CST11: variants seen among roughly 807,000 people sequenced by gnomAD.
The protein encoded by CST11 is cystatin 11, also known as cystatin-11.
A neutral mutation model predicts 14.0 loss-of-function variants in CST11; 13 were observed. The observed-to-expected ratio is 0.93, with a 90% CI of 0.60 to 1.47. The LOEUF is 1.47. CST11 is among the 40% of genes most tolerant of loss of function. The pLI is 0.00. For missense variants in CST11, 181 were observed against 160.0 expected, an observed-to-expected ratio of 1.13 and a Z score of -0.71; for synonymous variants, 64 against 57.8, an observed-to-expected ratio of 1.11 and a Z score of -0.48.
rs1987052716 is a variant in CST11, at chr20:23,450,419, A to T, written c.*87T>A. The T allele has an allele frequency of 1.2e-6, 1 of 815,404 alleles. No homozygotes were observed. The highest frequency in any genetic ancestry group is 1.9e-6 in the Non-Finnish European group (1 of 515,252). The allele number at this position is 815,404 out of a possible 1,614,324, so 50.5% of individuals were successfully genotyped here. On this transcript the variant is annotated 3_prime_UTR_variant, in exon 3 of 3. Transcript: ENST00000377009. ...ATCACGATCTTAAGAGAATATGTTG[A>T]CAAACATTTATTGCCTATATTAAGG...
intron 2 of CST11, 107 bp downstream of exon 2, chr20:23,451,709 G>T: frequency 2.5e-6 from 2 of 798,236 alleles, no homozygotes; most frequent in Non-Finnish European, 4.1e-6. Flanking sequence ...TTCTTTTCAA[G>T]CCAGCTTGAG....
At position 23,450,574 on chromosome 20, in the gene CST11, A is replaced by G. The variant is rs1199981636; in HGVS notation, c.349T>C (p.Phe117Leu). The G allele has an allele frequency of 1.2e-6, 2 of 1,609,454 alleles. No individual in the cohort carries two copies. Among genetic ancestry groups the G allele is most frequent in the Middle Eastern group, 1.7e-4 (1 of 6,056 alleles). Reference sequence around the variant, plus strand: ...AACCAGGGTACAGCAAACACTGAGAAGAAGCAGTTGACTTGCTAAAACAAA... The same window carrying G: ...AACCAGGGTACAGCAAACACTGAGAGGAAGCAGTTGACTTGCTAAAACAAA... Reference protein sequence around the residue: ...RELHKQVNCFFSVFAVPWFEQ... With the variant: ...RELHKQVNCFLSVFAVPWFEQ... Residue 117 changes from phenylalanine (F) to leucine (L), a missense_variant, in exon 3 of 3, where the codon TTC becomes CTC. Coordinates refer to ENST00000377009, the MANE Select transcript of CST11 (RefSeq NM_130794.2).
In CST11 at chr20:23,452,730, T is replaced by G. The variant is rs1272373171; in HGVS notation, c.82A>C (p.Lys28Gln). 1.9e-6 allele frequency: 3 copies of G among 1,614,208 alleles called. No individual in the cohort carries two copies. Among genetic ancestry groups the G allele is most frequent in the Middle Eastern group, 1.6e-4 (1 of 6,062 alleles). The change falls in exon 1 of 3, where the codon AAG becomes CAG. Residue 28 changes from lysine (K) to glutamine (Q), a missense_variant. Transcript: ENST00000377009. ...TLMALPYQAR[K>Q]KTFLSVHEVM... is the part of the protein sequence containing the mutation. ...TCATGGACGCTTAGAAAGGTTTTCT[T>G]CCTTGCTTGGTAGGGGAGGGCCATC...
chr20:23,450,619 A>G (rs769327012), intron 2 of CST11, 30 bp from the exon 3 acceptor site: 2 of 1,560,138 alleles, frequency 1.3e-6, no homozygotes, highest in Non-Finnish European at 1.8e-6. Context: ...CAATATTTTA[A>G]AAGACGCCAG....
rs1279104509 is a variant in CST11 at position 23,452,726 on chromosome 20, TTC to T, written c.84_85del (p.Lys29AsnfsTer7). The T allele has an allele frequency of 6.8e-6, 11 of 1,614,132 alleles. No individual in the cohort carries two copies. The highest frequency in any genetic ancestry group is 9.3e-6 in the Non-Finnish European group (11 of 1,180,056). On this transcript the variant is annotated frameshift_variant, in exon 1 of 3. Coordinates refer to ENST00000377009, the MANE Select transcript of CST11 (RefSeq NM_130794.2). LOFTEE classifies it high-confidence loss of function. The stretch of plus-strand genomic sequence containing the variant: ...CACTTCATGGACGCTTAGAAAGGTT[TTC>T]TTCCTTGCTTGGTAGGGGAGGGCCA...
intron 1 of CST11, 38 bp from the exon 2 acceptor site, chr20:23,451,958 C>A: frequency 6.7e-7 from 1 of 1,497,262 alleles, no homozygotes; most frequent in South Asian, 1.1e-5. Flanking sequence ...CAGCTTGTCC[C>A]CTTCTCCCCT....
chr20:23,451,449 G>T (rs191781074), intron 2 of CST11, among the ~76,000 whole-genome samples: 1 of 152,320 alleles, frequency 6.6e-6, no homozygotes, highest in African/African-American at 2.4e-5. Flanking sequence ...CCCAGCACTT[G>T]CGCGGCCTTG....
In CST11 at chr20:23,452,700, T is replaced by A. The variant is rs566287886; in HGVS notation, c.112A>T (p.Met38Leu). The change falls in exon 1 of 3, where the codon ATG becomes TTG. Residue 38 changes from methionine (M) to leucine (L), a missense_variant. Physicochemically the swap from Met to Leu is conservative, Grantham distance 15. Transcript: ENST00000377009. ...TCCTTCGCATAGTTTTCTACTGCCATCACTTCATGGACGCTTAGAAAGGTT... is the reference window on the plus strand; with the variant it reads ...TCCTTCGCATAGTTTTCTACTGCCAACACTTCATGGACGCTTAGAAAGGTT... ...KKTFLSVHEVMAVENYAKDSL... is the reference protein window; with the variant it reads ...KKTFLSVHEVLAVENYAKDSL... 6.2e-6 allele frequency: 10 copies of A among 1,613,930 alleles called. No homozygotes were observed. Among genetic ancestry groups the A allele is most frequent in the Non-Finnish European group, 8.5e-6 (10 of 1,179,910 alleles).
At position 23,451,728 on chromosome 20, in the gene CST11, A is replaced by C. The variant is rs547425415; in HGVS notation, c.333+88T>G. The stretch of plus-strand genomic sequence containing the variant: ...TTTCAAGCCAGCTTGAGTAAATTCC[A>C]ATTAATTCTTCCCAACTCATTCTAA... On this transcript the variant is annotated intron_variant, in intron 2 of 2. Coordinates refer to ENST00000377009, the MANE Select transcript of CST11 (RefSeq NM_130794.2). 1.2e-4 allele frequency: 117 copies of C among 958,546 alleles called. 2 individuals are homozygous for C. The South Asian group carries it at 1.7e-3, about 14-fold the overall frequency. The allele number at this position is 958,546 out of a possible 1,614,324, so 59.4% of individuals were successfully genotyped here.
At chr20:23,451,980 C>A (rs1368947043) in intron 1 of CST11, 60 bp from the exon 2 acceptor site, 6 of 1,359,068 alleles carry the variant, frequency 4.4e-6, no homozygotes, top group Admixed American at 1.7e-5. Flanking sequence ...TCTGCGGTTT[C>A]TGTGCCTGGG....
At position 23,452,565 on chromosome 20, in the gene CST11, C is replaced by T. The variant is rs374816842; in HGVS notation, c.228+19G>A. On this transcript the variant is annotated intron_variant, in intron 1 of 2. Coordinates refer to ENST00000377009, the MANE Select transcript of CST11 (RefSeq NM_130794.2). ...TGGGCGTATCAGGCCTGGGGAGAGG[C>T]GGGAAGTCATACACTCACCTGCCTC... The T allele has an allele frequency of 7.9e-5, 119 of 1,513,824 alleles. No homozygotes were observed. Among genetic ancestry groups the T allele is most frequent in the South Asian group, 2.5e-4 (22 of 89,094 alleles). 93.8% of individuals were successfully genotyped at this position (1,513,824 alleles called of 1,614,324 possible).
Position 23,450,579 on chromosome 20 carries a change from C to G in CST11, c.344G>C (p.Cys115Ser), listed in dbSNP as rs1263984166. ...GGGTACAGCAAACACTGAGAAGAAG[C>G]AGTTGACTTGCTAAAACAAAAAACA... The part of the protein sequence containing the change: ...QERELHKQVN[C>S]FFSVFAVPWF... The change falls in exon 3 of 3, where the codon TGC becomes TCC. Residue 115 changes from cysteine (C) to serine (S), a missense_variant. By Grantham distance (112) the Cys-to-Ser change is moderately radical. Coordinates refer to ENST00000377009, the MANE Select transcript of CST11 (RefSeq NM_130794.2). 3.7e-6 allele frequency: 6 copies of G among 1,607,048 alleles called. No homozygotes were observed. Among genetic ancestry groups the G allele is most frequent in the Non-Finnish European group, 4.3e-6 (5 of 1,175,546 alleles).
rs773502619 is a variant in CST11 at position 23,450,541 on chromosome 20, A to G, written c.382T>C (p.Tyr128His). The change falls in exon 3 of 3, where the codon TAC becomes CAC. Residue 128 changes from tyrosine (Y) to histidine (H), a missense_variant. Coordinates refer to ENST00000377009, the MANE Select transcript of CST11 (RefSeq NM_130794.2). ...CTGCAGCTTTTGTTCAAAATTTTGT[A>G]CTGTTCAAACCAGGGTACAGCAAAC... ...SVFAVPWFEQ[Y>H]KILNKSCSSD 8.1e-6 allele frequency: 13 copies of G among 1,612,356 alleles called. No homozygotes were observed. In the South Asian group the frequency reaches 1.2e-4, roughly 15 times the overall value.
rs1166857346 is a variant in CST11 at position 23,451,859 on chromosome 20, G to A, written c.290C>T (p.Pro97Leu). The A allele has an allele frequency of 1.9e-6, 3 of 1,614,008 alleles. No individual in the cohort carries two copies. The African/African-American group carries it at 4.0e-5, about 22-fold the overall frequency. ...VEMQWTTCQK[P>L]ETTNCVPQER... ...CTGGGGGACACAGTTCGTGGTCTCT[G>A]GCTTTTGGCAGGTGGTCCACTGCAT... is the stretch of plus-strand genomic sequence containing the variant. The change falls in exon 2 of 3, where the codon CCA becomes CTA. Residue 97 changes from proline to leucine, a missense_variant. Coordinates refer to ENST00000377009, the MANE Select transcript of CST11 (RefSeq NM_130794.2).
chr20:23,452,688 T>G lies in CST11; in HGVS notation c.124A>C (p.Asn42His). The part of the protein sequence containing the change: ...LSVHEVMAVE[N>H]YAKDSLQWIT... ...CACTGCAAGCTGTCCTTCGCATAGT[T>G]TTCTACTGCCATCACTTCATGGACG... The change falls in exon 1 of 3, where the codon AAC (asparagine) becomes CAC (histidine). Residue 42 changes from asparagine to histidine, a missense_variant. Transcript: ENST00000377009. 1 of 1,614,120 alleles carries G rather than the reference T, an allele frequency of 6.2e-7. No homozygotes were observed. The highest frequency in any genetic ancestry group is 8.5e-7 in the Non-Finnish European group (1 of 1,179,962).
At chr20:23,451,443 G>A (rs966946740) in intron 2 of CST11, among the ~76,000 whole-genome samples, 1 of 152,222 alleles carries the variant, frequency 6.6e-6, no homozygotes, top group Non-Finnish European at 1.5e-5. Flanking sequence ...CAGGAGCCCA[G>A]CACTTGCGCG....
chr20:23,452,007 G>T, intron 1 of CST11, 87 bp from the exon 2 acceptor site: 1 of 925,850 alleles, frequency 1.1e-6, no homozygotes, highest in Non-Finnish European at 1.7e-6. Context: ...GCTACCCCAC[G>T]TCCAAGGGCA....
In CST11 at chr20:23,450,545, T is replaced by C; in HGVS notation, c.378A>G (p.Glu126=). Residue 126 remains glutamate (E), a synonymous_variant, in exon 3 of 3, where the codon GAA becomes GAG. Transcript: ENST00000377009. ...AGCTTTTGTTCAAAATTTTGTACTG[T>C]TCAAACCAGGGTACAGCAAACACTG... The part of the protein sequence containing the change: ...FFSVFAVPWF[E]QYKILNKSCS... 1.2e-6 allele frequency: 2 copies of C among 1,612,586 alleles called. No homozygotes were observed. Among genetic ancestry groups the C allele is most frequent in the Non-Finnish European group, 1.7e-6 (2 of 1,178,772 alleles).
chr20:23,451,872 T>C lies in CST11; in HGVS notation c.277A>G (p.Thr93Ala). The C allele has an allele frequency of 6.2e-7, 1 of 1,614,100 alleles. No individual in the cohort carries two copies. Among genetic ancestry groups the C allele is most frequent in the Non-Finnish European group, 8.5e-7 (1 of 1,179,974 alleles). ...TTCGTGGTCTCTGGCTTTTGGCAGG[T>C]GGTCCACTGCATTTCCACATTCAGG... is the stretch of plus-strand genomic sequence containing the variant. ...YHLNVEMQWT[T>A]CQKPETTNCV... is the part of the protein sequence containing the mutation. The change falls in exon 2 of 3, where the codon ACC becomes GCC. Residue 93 changes from threonine (T) to alanine (A), a missense_variant. Coordinates refer to ENST00000377009, the MANE Select transcript of CST11 (RefSeq NM_130794.2).
Sources: gnomAD v4.1 joint callset for allele counts (sites outside exome capture counted in the v4.1 genomes callset) on GRCh38, gnomAD v4.1.1 for gene constraint, MANE v1.5 for transcripts, NCBI Gene and HGNC (gene_info 2026-07-23, HGNC 2026-07-21) for gene names.